Variants in SLC2A9 observed in about 807,000 individuals in gnomAD.
The protein encoded by SLC2A9 is solute carrier family 2, facilitated glucose transporter member 9.
A neutral mutation model predicts 50.6 loss-of-function variants in SLC2A9; 39 were observed. The ratio of observed to expected loss-of-function variants is 0.77; its 90% CI spans 0.60 to 1.01. The LOEUF (loss-of-function observed/expected upper bound fraction) is 1.01, where lower values mean the gene tolerates loss of function less well. SLC2A9 is among the 50% of genes least tolerant of loss of function. The probability of loss-of-function intolerance (pLI) is 0.00; values close to 1 mark genes in which losing one functional copy is unlikely to be tolerated. For missense variants in SLC2A9, 686 were observed against 677.6 expected (o/e 1.01, Z -0.14); for synonymous variants, 324 against 276.9 (o/e 1.17, Z -1.69).
intron 5 of SLC2A9, among the ~76,000 whole-genome samples, chr4:9,971,516 C>T (rs1452796368): frequency 6.6e-6 from 1 of 152,210 alleles, no homozygotes. Context: ...CCAAACCCCT[C>T]TTGTTGCTCA....
At chr4:9,816,977 C>A (rs1398647078) in intron 3 of SLC2A9, among the ~76,000 whole-genome samples, 1 of 152,120 alleles carries the variant, frequency 6.6e-6, no homozygotes, top group Non-Finnish European at 1.5e-5. Context: ...ATTTCTTTTC[C>A]TTTTCCAGCT....
intron 2 of SLC2A9, among the ~76,000 whole-genome samples, chr4:10,004,068 T>G (rs1760346293): frequency 6.6e-6 from 1 of 152,176 alleles, no homozygotes; most frequent in African/African-American, 2.4e-5. Context: ...TAACCATTAC[T>G]TTTTTCCAAC....
chr4:9,829,560 T>C (rs1056015291), intron 11 of SLC2A9, among the ~76,000 whole-genome samples: 9 of 150,742 alleles, frequency 6.0e-5, no homozygotes, highest in African/African-American at 2.0e-4. Context: ...CAAAAGAAAC[T>C]ATCATCATAG....
At chr4:9,775,698 T>C (rs1560267976), downstream of SLC2A9, among the ~76,000 whole-genome samples, 1 of 152,288 alleles carries the variant, frequency 6.6e-6, no homozygotes, top group Non-Finnish European at 1.5e-5. Flanking sequence ...CTGCTCATGA[T>C]TGTAAGCTTC....
At chr4:9,784,938 G>A (rs1719024654) in intron 3 of SLC2A9, among the ~76,000 whole-genome samples, 1 of 152,208 alleles carries the variant, frequency 6.6e-6, no homozygotes, top group African/African-American at 2.4e-5. Flanking sequence ...CTGGCACATA[G>A]TGCTTAATAA....
chr4:9,872,729 C>CA lies in SLC2A9; in HGVS notation c.1291+14837dup, dbSNP rs542573890. On this transcript the variant is annotated intron_variant, in intron 10 of 11. Coordinates refer to ENST00000264784, the MANE Select transcript of SLC2A9 (RefSeq NM_020041.3). ...GGAACTGAAGCAGAAGGAACAACAA[C>CA]AAAAAAAACATTCTACAGAATTCAC... Among the ~76,000 whole-genome samples the CA allele has an allele frequency of 3.1e-3, 471 of 150,248 alleles. 1 individual carries two copies. The highest frequency in any genetic ancestry group is 4.7e-3 in the Admixed American group (71 of 15,202).
intron 3 of SLC2A9, among the ~76,000 whole-genome samples, chr4:9,801,567 C>T (rs911883230): frequency 1.3e-5 from 2 of 152,182 alleles, no homozygotes; most frequent in Middle Eastern, 3.2e-3. Context: ...TCATCCCCAT[C>T]GTTGAGGGTG....
chr4:9,773,992 CT>C (rs34429694), intron 1 of SLC2A9, among the ~76,000 whole-genome samples: 16,929 of 139,682 alleles, frequency 0.12, 985 homozygotes, highest in East Asian at 0.16. Flanking sequence ...GAAACTCAGT[CT>C]TTTTTTTTTT....
At chr4:10,018,899 G>A (rs561302275) in intron 2 of SLC2A9, 76 bp downstream of exon 2, 1 of 1,419,920 alleles carries the variant, frequency 7.0e-7, no homozygotes, top group Admixed American at 2.0e-5. Flanking sequence ...GGGGGCGCTG[G>A]AGCCCAGGGC....
At chr4:9,803,560 T>C (rs35247015) in intron 3 of SLC2A9, among the ~76,000 whole-genome samples, 1 of 152,190 alleles carries the variant, frequency 6.6e-6, no homozygotes, top group African/African-American at 2.4e-5. Flanking sequence ...TCTTTGCCAC[T>C]AAAAGAGTGG....
intron 6 of SLC2A9, among the ~76,000 whole-genome samples, chr4:9,937,289 C>G (rs984598936): frequency 6.6e-6 from 1 of 152,104 alleles, no homozygotes; most frequent in Non-Finnish European, 1.5e-5. Context: ...GGTTTCCGAG[C>G]TGTGTTTTCC....
chr4:9,958,945 T>C (rs183996871), intron 5 of SLC2A9, among the ~76,000 whole-genome samples: 3 of 151,676 alleles, frequency 2.0e-5, no homozygotes, highest in African/African-American at 7.3e-5. Flanking sequence ...AAAACAATGA[T>C]GGAATTAATA....
downstream of SLC2A9, among the ~76,000 whole-genome samples, chr4:9,795,986 A>C (rs1720552320): frequency 3.9e-5 from 6 of 152,248 alleles, no homozygotes; most frequent in South Asian, 1.2e-3. Flanking sequence ...TACAAGTAAT[A>C]GTCCCACTTT....
chr4:9,914,463 A>G (rs759404687), intron 7 of SLC2A9, among the ~76,000 whole-genome samples: 2 of 152,138 alleles, frequency 1.3e-5, no homozygotes, highest in Non-Finnish European at 2.9e-5. Context: ...ACTCTCCCAC[A>G]TCTCTCACTG....
intron 7 of SLC2A9, among the ~76,000 whole-genome samples, chr4:9,919,697 C>G (rs1024655593): frequency 2.0e-5 from 3 of 152,172 alleles, no homozygotes; most frequent in African/African-American, 7.2e-5. Flanking sequence ...GCTCCCCTGC[C>G]AAGTGGTTGG....
intron 10 of SLC2A9, among the ~76,000 whole-genome samples, chr4:9,850,670 A>C (rs1729737799): frequency 6.6e-6 from 1 of 151,706 alleles, no homozygotes; most frequent in South Asian, 2.1e-4. Flanking sequence ...GCCTCCCCTC[A>C]CCGCAGCCTC....
intron 3 of SLC2A9, among the ~76,000 whole-genome samples, chr4:9,821,064 T>A (rs1381224436): frequency 6.6e-6 from 1 of 152,240 alleles, no homozygotes; most frequent in African/African-American, 2.4e-5. Context: ...AGCTGTATCT[T>A]TTTTGTAGAT....
chr4:9,797,558 A>G (rs1720739795), downstream of SLC2A9, among the ~76,000 whole-genome samples: 1 of 152,234 alleles, frequency 6.6e-6, no homozygotes. Context: ...TGTAACCTAG[A>G]CTTTCATAGC....
chr4:10,010,738 T>C lies in SLC2A9; in HGVS notation c.249+8237A>G, dbSNP rs777089111. 2.2e-4 allele frequency among the ~76,000 whole-genome samples: 33 copies of C among 152,342 alleles called. 2 individuals carry two copies. The Middle Eastern group carries it at 0.034, about 157-fold the overall frequency. ...GAAACTGCACAAACAGGCACCAAGT[T>C]CACTGTCTACCCTTTTGATTAGCCC... On this transcript the variant is annotated intron_variant, in intron 2 of 11. Coordinates refer to ENST00000264784, the MANE Select transcript of SLC2A9 (RefSeq NM_020041.3).
Sources: gnomAD v4.1 joint callset for allele counts (sites outside exome capture counted in the v4.1 genomes callset) on GRCh38, gnomAD v4.1.1 for gene constraint, MANE v1.5 for transcripts, NCBI Gene and HGNC (gene_info 2026-07-23, HGNC 2026-07-21) for gene names.